PRR16: variants seen among roughly 807,000 people sequenced by gnomAD.
The protein encoded by PRR16 is proline rich 16.
PRR16 carries 6 observed loss-of-function variants against 18.2 expected under a neutral mutation model. That is an observed-to-expected ratio of 0.33 (90% confidence interval 0.18 to 0.65). PRR16 has a LOEUF of 0.65. PRR16 is among the 30% of genes least tolerant of loss of function. The probability of loss-of-function intolerance (pLI) is 0.74; values close to 1 mark genes in which losing one functional copy is unlikely to be tolerated. For synonymous variants in PRR16, 151 were observed against 147.8 expected (o/e 1.02, Z -0.16); for missense variants, 412 against 376.6 (o/e 1.09, Z -0.78).
the PRR16 span, among the ~76,000 whole-genome samples, chr5:120,727,841 A>G: frequency 6.5e-4 from 99 of 152,198 alleles, no homozygotes; most frequent in African/African-American, 2.2e-3. Context: ...AGAGCTTCCT[A>G]TAAGTTCATT....
the PRR16 span, among the ~76,000 whole-genome samples, chr5:120,763,176 T>C: frequency 2.0e-5 from 3 of 152,026 alleles, no homozygotes; most frequent in African/African-American, 7.2e-5. Context: ...AGGCAGTGTC[T>C]CACTCTGTCA....
At chr5:120,650,653 T>C (rs1465801451) in intron 1 of PRR16, among the ~76,000 whole-genome samples, 2 of 152,136 alleles carry the variant, frequency 1.3e-5, no homozygotes, top group African/African-American at 2.4e-5. Context: ...ACAAAGGACA[T>C]GAACTCATCA....
intron 1 of PRR16, among the ~76,000 whole-genome samples, chr5:120,586,414 G>A (rs1159592848): frequency 6.6e-6 from 1 of 151,968 alleles, no homozygotes; most frequent in Non-Finnish European, 1.5e-5. Context: ...ACTTTTTTGT[G>A]CTTCAGTTAT....
intron 1 of PRR16, among the ~76,000 whole-genome samples, chr5:120,599,010 T>C (rs1426343430): frequency 6.6e-6 from 1 of 151,936 alleles, no homozygotes; most frequent in Non-Finnish European, 1.5e-5. Context: ...TCTGAGAATA[T>C]ATTTCATGGG....
At chr5:120,685,782 A>C (rs1327093022) in intron 1 of PRR16, among the ~76,000 whole-genome samples, 172 bp from the exon 2 acceptor site, 1 of 152,172 alleles carries the variant, frequency 6.6e-6, no homozygotes, top group Non-Finnish European at 1.5e-5. Context: ...CCTCTGTGTG[A>C]TGGTCACTAT....
At chr5:120,505,148 C>G (rs936946106) in intron 1 of PRR16, among the ~76,000 whole-genome samples, 2 of 152,160 alleles carry the variant, frequency 1.3e-5, no homozygotes, top group Non-Finnish European at 2.9e-5. Flanking sequence ...TTCTCCCTTT[C>G]CAAACACTTT....
chr5:120,724,275 G>A, the PRR16 span, among the ~76,000 whole-genome samples: 1 of 151,980 alleles, frequency 6.6e-6, no homozygotes, highest in Non-Finnish European at 1.5e-5. Context: ...CCACAGAATT[G>A]TGATTAAGAA....
chr5:120,606,097 G>T (rs1305113898), intron 1 of PRR16, among the ~76,000 whole-genome samples: 1 of 152,220 alleles, frequency 6.6e-6, no homozygotes, highest in Non-Finnish European at 1.5e-5. Flanking sequence ...CATGCTGCAT[G>T]ATGGTGGGAC....
the PRR16 span, among the ~76,000 whole-genome samples, chr5:120,703,749 T>A: frequency 6.6e-6 from 1 of 152,242 alleles, no homozygotes; most frequent in Non-Finnish European, 1.5e-5. Context: ...GTGAGAGTTT[T>A]CTTATTGATG....
chr5:120,724,085 G>T, the PRR16 span, among the ~76,000 whole-genome samples: 2 of 151,622 alleles, frequency 1.3e-5, no homozygotes, highest in Non-Finnish European at 2.9e-5. Flanking sequence ...TAAGCATATG[G>T]CTTTCTCAAA....
chr5:120,659,042 T>A (rs1478177564), intron 1 of PRR16, among the ~76,000 whole-genome samples: 3 of 151,920 alleles, frequency 2.0e-5, no homozygotes, highest in Non-Finnish European at 4.4e-5. Context: ...ATAGTTCTTT[T>A]AAGGTCTCAT....
chr5:120,468,527 A>G (rs1215328216), intron 1 of PRR16, among the ~76,000 whole-genome samples: 1 of 152,220 alleles, frequency 6.6e-6, no homozygotes, highest in Non-Finnish European at 1.5e-5. Flanking sequence ...AAAATTAACC[A>G]TAACTGGTAG....
the PRR16 span, among the ~76,000 whole-genome samples, chr5:120,778,530 C>T: frequency 3.9e-5 from 6 of 152,176 alleles, no homozygotes; most frequent in South Asian, 4.1e-4. Flanking sequence ...AGAATAGAGA[C>T]GCCGTCTTGA....
intron 1 of PRR16, among the ~76,000 whole-genome samples, chr5:120,488,060 T>C (rs1231013834): frequency 4.6e-5 from 7 of 152,260 alleles, no homozygotes; most frequent in East Asian, 1.9e-4. Flanking sequence ...CAGTATTTTA[T>C]TGAGGATTTT....
rs1749904492 is a variant in PRR16, at chr5:120,488,590, A to C, written c.159+23945A>C. Reference sequence around the variant, plus strand: ...GTCTATCAATTTTGTTGATCGTTTCAAAAAACCAGCTCCTGGATTCATTGA... The same window carrying C: ...GTCTATCAATTTTGTTGATCGTTTCCAAAAACCAGCTCCTGGATTCATTGA... On this transcript the variant is annotated intron_variant, in intron 1 of 1. Coordinates refer to ENST00000407149, the MANE Select transcript of PRR16 (RefSeq NM_001300783.2). Among the ~76,000 whole-genome samples the C allele has an allele frequency of 2.6e-5, 4 of 152,084 alleles. No homozygotes were observed. The South Asian group carries it at 8.3e-4, about 32-fold the overall frequency.
At chr5:120,746,165 C>T in the PRR16 span, among the ~76,000 whole-genome samples, 5 of 150,670 alleles carry the variant, frequency 3.3e-5, no homozygotes, top group South Asian at 2.1e-4. Context: ...TTTGTTCCTT[C>T]GGATCATTTC....
the PRR16 span, among the ~76,000 whole-genome samples, chr5:120,715,426 G>T: frequency 7.2e-5 from 11 of 152,096 alleles, no homozygotes; most frequent in Non-Finnish European, 8.8e-5. Context: ...GCTTAACTGG[G>T]TATTAAGTAA....
intron 1 of PRR16, among the ~76,000 whole-genome samples, chr5:120,509,152 T>C (rs2112854404): frequency 6.6e-6 from 1 of 152,210 alleles, no homozygotes; most frequent in Admixed American, 6.5e-5. Context: ...ACAGTAAATC[T>C]TTGTCTTTTA....
At chr5:120,551,117 T>G (rs1752241348) in intron 1 of PRR16, among the ~76,000 whole-genome samples, 1 of 152,004 alleles carries the variant, frequency 6.6e-6, no homozygotes, top group South Asian at 2.1e-4. Context: ...GTAACTATAG[T>G]TACTGTGCTG....
Sources: allele counts gnomAD v4.1 joint callset (sites outside exome capture counted in the v4.1 genomes callset), GRCh38; gene constraint gnomAD v4.1.1; transcripts MANE v1.5; gene names NCBI Gene and HGNC (gene_info 2026-07-23, HGNC 2026-07-21).